MAG: variants seen among roughly 807,000 people sequenced by gnomAD.
MAG encodes the protein myelin associated glycoprotein, also known as myelin-associated glycoprotein.
In MAG, 30 loss-of-function variants were observed where a neutral mutation model predicts 60.7. That is an observed-to-expected ratio of 0.49 (90% CI 0.37 to 0.67). The LOEUF (loss-of-function observed/expected upper bound fraction) is 0.67. Ranked by LOEUF, MAG falls within the 30% of genes least tolerant of loss-of-function variation. MAG has a pLI of 0.00. For missense variants in MAG, 795 were observed against 851.7 expected, an observed-to-expected ratio of 0.93 and a Z score of 0.83; for synonymous variants, 384 against 376.8, an observed-to-expected ratio of 1.02 and a Z score of -0.22.
intron 10 of MAG, 53 bp downstream of exon 10, chr19:35,312,070 A>C: frequency 6.5e-7 from 1 of 1,549,358 alleles, no homozygotes; most frequent in East Asian, 2.3e-5. Context: ...GGGACACTGA[A>C]GGCCTGGGAA....
At chr19:35,312,428 G>A in intron 10 of MAG, 1 of 1,077,216 alleles carries the variant, frequency 9.3e-7, no homozygotes, top group Non-Finnish European at 1.4e-6. Flanking sequence ...GGTGGTCTCT[G>A]GTGATGTCCG....
At chr19:35,294,784 T>C (rs904092412) in intron 2 of MAG, among the ~76,000 whole-genome samples, 2 of 151,786 alleles carry the variant, frequency 1.3e-5, no homozygotes, top group Admixed American at 1.3e-4. Context: ...AATAACCAAA[T>C]AAATAAACTA....
chr19:35,311,766 TG>T, intron 9 of MAG, 151 bp from the exon 10 acceptor site: 1 of 611,866 alleles, frequency 1.6e-6, no homozygotes, highest in Non-Finnish European at 3.0e-6. Context: ...ATGGGCTGTG[TG>T]GGTAGGAGAG....
chr19:35,292,976 G>A (rs1380010950), intron 1 of MAG, among the ~76,000 whole-genome samples: 3 of 152,106 alleles, frequency 2.0e-5, no homozygotes, highest in Non-Finnish European at 4.4e-5. Flanking sequence ...CAGATCTGCT[G>A]TACATATGTT....
At chr19:35,307,516 A>C (rs903316859) in intron 7 of MAG, among the ~76,000 whole-genome samples, 12 of 152,084 alleles carry the variant, frequency 7.9e-5, no homozygotes, top group African/African-American at 2.9e-4. Flanking sequence ...CTGTAATACA[A>C]TTGCGTATTT....
At chr19:35,302,802 G>C in intron 7 of MAG, 94 bp downstream of exon 7, 3 of 1,486,508 alleles carry the variant, frequency 2.0e-6, no homozygotes, top group Non-Finnish European at 2.7e-6. Context: ...ATCAGTATTG[G>C]CTTTGCCTGT....
At chr19:35,294,693 A>T (rs943387920) in intron 2 of MAG, among the ~76,000 whole-genome samples, 16 of 152,300 alleles carry the variant, frequency 1.1e-4, no homozygotes, top group East Asian at 5.8e-4. Flanking sequence ...AGGCAGGAGG[A>T]TCGCTTGAGC....
chr19:35,312,165 G>A lies in MAG; in HGVS notation c.1716+148G>A. ...GACATTCCAGGGCTGGGTTGGACCTGGAGGCTGGGGAGGAGGTGCCCAGGC... is the reference window on the plus strand; with the variant it reads ...GACATTCCAGGGCTGGGTTGGACCTAGAGGCTGGGGAGGAGGTGCCCAGGC... On this transcript the variant is annotated intron_variant, in intron 10 of 10. Transcript: ENST00000392213. 4.7e-6 allele frequency: 6 copies of A among 1,265,342 alleles called. No individual in the cohort carries two copies. In the South Asian group the frequency reaches 6.0e-5, roughly 13 times the overall value. The allele number at this position is 1,265,342 out of a possible 1,614,324, so 78.4% of individuals were successfully genotyped here. A position where few individuals can be genotyped will look rare whatever the true frequency, so the allele number is the denominator to read the frequency against.
At chr19:35,301,429 C>CATTT (rs2066447426) in intron 6 of MAG, among the ~76,000 whole-genome samples, 1 of 105,720 alleles carries the variant, frequency 9.5e-6, no homozygotes, top group African/African-American at 3.7e-5. Flanking sequence ...CTCTTGAGTG[C>CATTT]TTTTTTTTTT....
intron 8 of MAG, 41 bp downstream of exon 8, chr19:35,310,202 C>A (rs200992646): frequency 1.9e-6 from 3 of 1,571,694 alleles, no homozygotes; most frequent in Non-Finnish European, 2.6e-6. Context: ...CAGGAGGGAG[C>A]GGGCACGTCT....
In MAG at chr19:35,300,479, C is replaced by T. The variant is rs1431809358; in HGVS notation, c.970+75C>T. ...AAAGGGAAAGGGGCCTCATCCAGGG[C>T]GAGCATGGGCTGGGTCCCGAGGGGA... On this transcript the variant is annotated intron_variant, in intron 6 of 10. Transcript: ENST00000392213. The T allele has an allele frequency of 4.7e-6, 7 of 1,479,320 alleles. No homozygotes were observed. In the East Asian group the frequency reaches 9.5e-5, roughly 20 times the overall value. The allele number at this position is 1,479,320 out of a possible 1,614,324, so 91.6% of individuals were successfully genotyped here. A position where few individuals can be genotyped will look rare whatever the true frequency, so the allele number is the denominator to read the frequency against.
At chr19:35,307,932 A>C (rs1373215095) in intron 7 of MAG, among the ~76,000 whole-genome samples, 1 of 152,042 alleles carries the variant, frequency 6.6e-6, no homozygotes, top group East Asian at 1.9e-4. Context: ...GAAAGGAAGG[A>C]GCACAGCCTG....
chr19:35,310,721 G>A (rs1599659522), intron 9 of MAG, 78 bp downstream of exon 9: 1 of 1,246,632 alleles, frequency 8.0e-7, no homozygotes, highest in East Asian at 2.3e-5. Context: ...GCCCAGAGTG[G>A]GTGGGGGAAG....
chr19:35,297,904 CACT>C (rs1402564510), intron 4 of MAG, among the ~76,000 whole-genome samples: 1 of 149,048 alleles, frequency 6.7e-6, no homozygotes, highest in East Asian at 2.0e-4. Flanking sequence ...ACACATACCA[CACT>C]ACAAAAACCA....
intron 8 of MAG, 103 bp from the exon 9 acceptor site, chr19:35,310,444 T>A: frequency 1.9e-6 from 2 of 1,045,548 alleles, no homozygotes; most frequent in Non-Finnish European, 2.9e-6. Flanking sequence ...ATGCCCCGGC[T>A]GTGTGACTAC....
At chr19:35,302,824 A>G in intron 7 of MAG, 116 bp downstream of exon 7, 1 of 1,290,172 alleles carries the variant, frequency 7.8e-7, no homozygotes, top group Non-Finnish European at 1.1e-6. Flanking sequence ...CTCCGCAGAG[A>G]CAAGGAAGGG....
Position 35,295,392 on chromosome 19 carries a change from C to T in MAG, c.-17C>T, listed in dbSNP as rs201170447. The stretch of plus-strand genomic sequence containing the variant: ...CTCTCCTCTCCCTTTCCAGCGATCA[C>T]TCACTCGCTGTACAGAATGATATTC... On this transcript the variant is annotated 5_prime_UTR_variant, in exon 3 of 11. Coordinates refer to ENST00000392213, the MANE Select transcript of MAG (RefSeq NM_002361.4). This position sits in a 1 kb window ranked among gnomAD's most constrained non-coding sequence, Gnocchi z 5.8. The T allele has an allele frequency of 5.0e-6, 8 of 1,613,416 alleles. No homozygotes were observed. The highest frequency in any genetic ancestry group is 5.9e-6 in the Non-Finnish European group (7 of 1,179,606).
At chr19:35,313,027 A>AAAG (rs753211958) in intron 10 of MAG, among the ~76,000 whole-genome samples, 4 of 152,264 alleles carry the variant, frequency 2.6e-5, no homozygotes, top group Admixed American at 6.5e-5. Flanking sequence ...TCTCAAAGAA[A>AAAG]AAGAAGAAGA....
Position 35,313,756 on chromosome 19 carries a change from T to C in MAG, c.*302T>C. ...CTGCCTGGTCTCCTGCCCCCACACC[T>C]GGCCCTGGGGCCTGTACAAAAGGGA... On this transcript the variant is annotated 3_prime_UTR_variant, in exon 11 of 11. Coordinates refer to ENST00000392213, the MANE Select transcript of MAG (RefSeq NM_002361.4). The C allele has an allele frequency of 3.6e-6, 1 of 279,692 alleles. No homozygotes were observed. The highest frequency in any genetic ancestry group is 6.7e-6 in the Non-Finnish European group (1 of 149,272). 17.3% of individuals were successfully genotyped at this position (279,692 alleles called of 1,614,324 possible).
Sources: allele counts gnomAD v4.1 joint callset (sites outside exome capture counted in the v4.1 genomes callset), GRCh38; gene constraint gnomAD v4.1.1; non-coding constraint Gnocchi (gnomAD v3.1); transcripts MANE v1.5; gene names NCBI Gene and HGNC (gene_info 2026-07-23, HGNC 2026-07-21).